The following NRXN1 variants were observed in gnomAD, a reference collection of about 807,000 sequenced individuals.
NRXN1 encodes neurexin-1.
Under a neutral mutation model 150.9 loss-of-function variants are expected in NRXN1, and 39 were observed. That is an observed-to-expected ratio of 0.26 (90% confidence interval 0.20 to 0.34). The LOEUF is 0.34. Ranked by LOEUF, NRXN1 falls within the 10% of genes least tolerant of loss-of-function variation. The probability of loss-of-function intolerance (pLI) is 1.00; values close to 1 mark genes in which losing one functional copy is unlikely to be tolerated. For synonymous variants in NRXN1, 924 were observed against 757.0 expected, an observed-to-expected ratio of 1.22 and a Z score of -3.62; for missense variants, 1,815 against 1,949.9, an observed-to-expected ratio of 0.93 and a Z score of 1.30.
intron 2 of NRXN1, among the ~76,000 whole-genome samples, chr2:51,022,891 A>G (rs1669853790): frequency 8.5e-5 from 13 of 152,298 alleles, no homozygotes; most frequent in Admixed American, 7.8e-4. Flanking sequence ...GGTATGCTAT[A>G]AAGTGTGGCA....
At chr2:50,286,512 TA>T (rs1167007258) in intron 17 of NRXN1, among the ~76,000 whole-genome samples, 1 of 152,202 alleles carries the variant, frequency 6.6e-6, no homozygotes, top group African/African-American at 2.4e-5. Context: ...TATACCTTTT[TA>T]AAAAATATTC....
chr2:50,953,798 T>A (rs1385263275), intron 2 of NRXN1, among the ~76,000 whole-genome samples: 1 of 152,080 alleles, frequency 6.6e-6, no homozygotes, highest in Non-Finnish European at 1.5e-5. Flanking sequence ...TGACCTCAGG[T>A]GATCCACCTG....
chr2:49,941,882 C>T (rs1672036090), intron 22 of NRXN1, among the ~76,000 whole-genome samples: 3 of 151,974 alleles, frequency 2.0e-5, no homozygotes, highest in South Asian at 2.1e-4. Flanking sequence ...AGATTAACAC[C>T]AGGAAGGTTG....
chr2:50,448,164 A>C (rs1573009305), intron 17 of NRXN1, among the ~76,000 whole-genome samples: 3 of 152,210 alleles, frequency 2.0e-5, no homozygotes, highest in Admixed American at 2.0e-4. Flanking sequence ...TTAGCAAAGC[A>C]GGGGTTAGTC....
Position 50,091,421 on chromosome 2 carries a change from A to G in NRXN1, c.3620T>C (p.Ile1207Thr). Residue 1207 changes from isoleucine to threonine, a missense_variant, in exon 19 of 23, where the codon ATT becomes ACT. Ile to Thr is a moderately conservative substitution (Grantham distance 89, BLOSUM62 -1). Coordinates refer to ENST00000401669, the MANE Select transcript of NRXN1 (RefSeq NM_001330078.2). Reference protein sequence around the residue: ...DIAIEESNAIINDGKYHVVRF... With the variant: ...DIAIEESNAITNDGKYHVVRF... Reference sequence around the variant, plus strand: ...AACTACATGGTATTTCCCATCATTAATGATTGCATTGGATTCTTCAATGGC... The same window carrying G: ...AACTACATGGTATTTCCCATCATTAGTGATTGCATTGGATTCTTCAATGGC... 1 of 1,614,210 alleles carries G rather than the reference A, an allele frequency of 6.2e-7. No individual in the cohort carries two copies. The highest frequency in any genetic ancestry group is 8.5e-7 in the Non-Finnish European group (1 of 1,180,038).
chr2:49,937,179 C>G (rs57936567), intron 22 of NRXN1, among the ~76,000 whole-genome samples: 1 of 151,994 alleles, frequency 6.6e-6, no homozygotes, highest in African/African-American at 2.4e-5. Flanking sequence ...TAAAACTATC[C>G]CCCTGTCATG....
chr2:50,472,507 CA>C, intron 15 of NRXN1, 36 bp from the exon 16 acceptor site: 1 of 1,567,212 alleles, frequency 6.4e-7, no homozygotes, highest in South Asian at 1.1e-5. Context: ...ACAAAAGTAC[CA>C]TGTCATTGAC....
At chr2:50,355,798 G>C (rs1483513895) in intron 17 of NRXN1, among the ~76,000 whole-genome samples, 1 of 152,092 alleles carries the variant, frequency 6.6e-6, no homozygotes, top group East Asian at 1.9e-4. Flanking sequence ...CTATTGTGCA[G>C]AATAAATGAT....
chr2:50,764,884 C>T (rs1372234427), intron 5 of NRXN1, among the ~76,000 whole-genome samples: 1 of 151,920 alleles, frequency 6.6e-6, no homozygotes, highest in East Asian at 1.9e-4. Context: ...CTCTCGGCTC[C>T]CAAGAGGAGC....
chr2:50,589,728 A>T, intron 8 of NRXN1, among the ~76,000 whole-genome samples: 1 of 116,074 alleles, frequency 8.6e-6, no homozygotes, highest in Non-Finnish European at 1.9e-5. Flanking sequence ...TTTGCAGCAA[A>T]ACCCAACTGT....
intron 5 of NRXN1, among the ~76,000 whole-genome samples, chr2:50,859,145 CTT>C (rs1185887207): frequency 6.6e-6 from 1 of 151,396 alleles, no homozygotes; most frequent in Non-Finnish European, 1.5e-5. Flanking sequence ...TTTTTTTTTC[CTT>C]TATTTTTTCC....
chr2:50,317,693 G>A (rs951269223), intron 17 of NRXN1, among the ~76,000 whole-genome samples: 32 of 151,832 alleles, frequency 2.1e-4, no homozygotes, highest in African/African-American at 7.7e-4. Context: ...TAAAACCATG[G>A]CAAACATCTC....
At chr2:50,042,375 C>T (rs2152590815) in intron 21 of NRXN1, among the ~76,000 whole-genome samples, 1 of 152,188 alleles carries the variant, frequency 6.6e-6, no homozygotes, top group South Asian at 2.1e-4. Context: ...AAGGGGCTTC[C>T]CCCTTCTCTC....
At chr2:50,391,421 T>TA (rs1255786296) in intron 17 of NRXN1, among the ~76,000 whole-genome samples, 1 of 152,152 alleles carries the variant, frequency 6.6e-6, no homozygotes, top group Non-Finnish European at 1.5e-5. Flanking sequence ...AACCTAATTA[T>TA]AGTGCTTTAA....
intron 17 of NRXN1, among the ~76,000 whole-genome samples, chr2:50,382,201 G>A (rs77941204): frequency 1.0e-3 from 158 of 152,270 alleles, no homozygotes; most frequent in African/African-American, 3.5e-3. Flanking sequence ...AGCATACAAT[G>A]TCTACTATAC....
chr2:50,257,620 T>C (rs957520472), intron 17 of NRXN1, among the ~76,000 whole-genome samples: 1 of 151,940 alleles, frequency 6.6e-6, no homozygotes, highest in South Asian at 2.1e-4. Context: ...GAGCCTAACC[T>C]CTGGAAGTGC....
chr2:50,661,076 C>A (rs547159851), intron 5 of NRXN1, among the ~76,000 whole-genome samples: 3 of 46,136 alleles, frequency 6.5e-5, no homozygotes, highest in African/African-American at 1.3e-4. Flanking sequence ...GGTTAGTGTT[C>A]ATTCTTGCCC....
intron 17 of NRXN1, among the ~76,000 whole-genome samples, chr2:50,449,303 A>T (rs1327339442): frequency 2.0e-5 from 3 of 152,226 alleles, no homozygotes; most frequent in Admixed American, 6.5e-5. Flanking sequence ...AATTTTTCTA[A>T]TTGGATATTC....
chr2:50,861,532 C>T (rs1676129877), intron 5 of NRXN1, among the ~76,000 whole-genome samples: 1 of 152,070 alleles, frequency 6.6e-6, no homozygotes, highest in Admixed American at 6.6e-5. Context: ...CCCACCTTTA[C>T]CAAGTTTGAG....
Sources: allele counts gnomAD v4.1 joint callset (sites outside exome capture counted in the v4.1 genomes callset), GRCh38; gene constraint gnomAD v4.1.1; transcripts MANE v1.5; gene names NCBI Gene and HGNC (gene_info 2026-07-23, HGNC 2026-07-21).